The following PAK2 variants were observed in gnomAD, a reference collection of about 807,000 sequenced individuals.
PAK2 encodes serine/threonine-protein kinase PAK 2.
Under a neutral mutation model 65.9 loss-of-function variants are expected in PAK2, and 21 were observed. The observed-to-expected ratio is 0.32, with a 90% CI of 0.23 to 0.46. PAK2 has a LOEUF of 0.46. Ranked by LOEUF, PAK2 falls within the 20% of genes least tolerant of loss-of-function variation. The probability of loss-of-function intolerance (pLI) is 1.00; values close to 1 mark genes in which losing one functional copy is unlikely to be tolerated. For missense variants in PAK2, 324 were observed against 642.6 expected (o/e 0.50, Z 5.36); for synonymous variants, 204 against 219.7 (o/e 0.93, Z 0.63).
Position 196,831,676 on chromosome 3 carries a change from C to T in PAK2, c.*3271C>T, listed in dbSNP as rs188333623. ...ATGTTTGTATATACTGTATTCTAGC[C>T]AGAATAATTTTAGATCTGATCAGGT... On this transcript the variant is annotated 3_prime_UTR_variant, in exon 15 of 15. Transcript: ENST00000327134. The T allele has an allele frequency of 2.6e-5, 4 of 151,940 alleles. No individual in the cohort carries two copies. Among genetic ancestry groups the T allele is most frequent in the Non-Finnish European group, 5.9e-5 (4 of 68,004 alleles). The allele number at this position is 151,940 out of a possible 1,614,324, so 9.4% of individuals were successfully genotyped here. A position where few individuals can be genotyped will look rare whatever the true frequency, so the allele number is the denominator to read the frequency against.
At chr3:196,777,857 C>A (rs1410328534) in intron 1 of PAK2, among the ~76,000 whole-genome samples, 1 of 152,154 alleles carries the variant, frequency 6.6e-6, no homozygotes, top group Non-Finnish European at 1.5e-5. Flanking sequence ...TTTGTTAGCT[C>A]ATTTAATCTT....
At chr3:196,803,215 T>A in intron 4 of PAK2, 51 bp downstream of exon 4, 1 of 1,417,738 alleles carries the variant, frequency 7.1e-7, no homozygotes. Context: ...GAAGCACTTC[T>A]AGATAAAAAG....
intron 1 of PAK2, among the ~76,000 whole-genome samples, chr3:196,760,721 G>A (rs1308019717): frequency 6.6e-6 from 1 of 152,200 alleles, no homozygotes; most frequent in Non-Finnish European, 1.5e-5. Context: ...CTTTGCTGGT[G>A]AAGATTCTGA....
At chr3:196,759,498 GTTTTTTTTTTTTTT>G (rs71301221) in intron 1 of PAK2, among the ~76,000 whole-genome samples, 19 of 108,158 alleles carry the variant, frequency 1.8e-4, no homozygotes, top group South Asian at 6.0e-4. Flanking sequence ...GGTTTTTTTT[GTTTTTTTTTTTTTT>G]TTTTTTTTTT....
chr3:196,782,585 A>AT, intron 1 of PAK2, 41 bp from the exon 2 acceptor site: 2 of 982,652 alleles, frequency 2.0e-6, no homozygotes, highest in Non-Finnish European at 3.1e-6. Flanking sequence ...TGTTCGTGCT[A>AT]TTTTTTACTT....
At chr3:196,804,066 T>C (rs1430356951) in intron 4 of PAK2, among the ~76,000 whole-genome samples, 1 of 152,178 alleles carries the variant, frequency 6.6e-6, no homozygotes, top group Non-Finnish European at 1.5e-5. Context: ...CCTGTTTCCC[T>C]CAGTTTAGAT....
intron 1 of PAK2, among the ~76,000 whole-genome samples, chr3:196,758,495 T>C (rs890605014): frequency 6.6e-6 from 1 of 152,076 alleles, no homozygotes; most frequent in African/African-American, 2.4e-5. Context: ...ACAGTAAGAA[T>C]AGAAAAAACT....
intron 1 of PAK2, among the ~76,000 whole-genome samples, chr3:196,776,298 C>G (rs1182733780): frequency 2.6e-5 from 4 of 152,116 alleles, no homozygotes; most frequent in Non-Finnish European, 5.9e-5. Flanking sequence ...ATCAAGTATT[C>G]TATATAGCAA....
In PAK2 at chr3:196,784,496, G is replaced by C. The variant is rs1232925472; in HGVS notation, c.187+1663G>C. On this transcript the variant is annotated intron_variant, in intron 2 of 14. Transcript: ENST00000327134. The stretch of plus-strand genomic sequence containing the variant: ...GCAGTGTTTGGTTTTTTGTTCTTGC[G>C]ATAGTTTACTGAGAATGATGATTTC... 2.5e-3 allele frequency among the ~76,000 whole-genome samples: 275 copies of C among 110,720 alleles called. 1 individual carries two copies. Among genetic ancestry groups the C allele is most frequent in the African/African-American group, 9.2e-3 (262 of 28,326 alleles). The allele number at this position is 110,720 out of a possible 152,430, so 72.6% of individuals were successfully genotyped here. A position where few individuals can be genotyped will look rare whatever the true frequency, so the allele number is the denominator to read the frequency against.
chr3:196,814,491 C>T lies in PAK2; in HGVS notation c.976C>T (p.Leu326Phe). The stretch of plus-strand genomic sequence containing the variant: ...TGAATTGTTTGTGGTCATGGAATAC[C>T]TTGCTGGGGGGTCACTCACTGATGT... ...GDELFVVMEYLAGGSLTDVVT... is the reference protein window; with the variant it reads ...GDELFVVMEYFAGGSLTDVVT... Residue 326 changes from leucine (L) to phenylalanine (F), a missense_variant, in exon 11 of 15, where the codon CTT (leucine) becomes TTT (phenylalanine). Leu to Phe is a conservative substitution (Grantham distance 22). This residue lies in a region of PAK2 where 183 missense variants were observed against 246.2 expected (regional missense o/e 0.74). Transcript: ENST00000327134. 1 of 1,537,278 alleles carries T rather than the reference C, an allele frequency of 6.5e-7. No individual in the cohort carries two copies. The highest frequency in any genetic ancestry group is 9.0e-7 in the Non-Finnish European group (1 of 1,117,226).
At position 196,821,683 on chromosome 3, in the gene PAK2, C is replaced by CATAA. The variant is rs541293541; in HGVS notation, c.1350+1131_1350+1134dup. 2.0e-4 allele frequency among the ~76,000 whole-genome samples: 31 copies of CATAA among 152,112 alleles called. 1 individual carries two copies. In the Middle Eastern group the frequency reaches 0.017, roughly 83 times the overall value. ...GGTCGACAAAGCGAAACTCCGTCTC[C>CATAA]ATAAATAAATAAATAAATGTTGGTG... On this transcript the variant is annotated intron_variant, in intron 13 of 14. Transcript: ENST00000327134.
At chr3:196,796,166 A>G (rs140824869) in intron 2 of PAK2, among the ~76,000 whole-genome samples, 183 of 152,296 alleles carry the variant, frequency 1.2e-3, no homozygotes, top group African/African-American at 4.3e-3. Flanking sequence ...GGACTCTGGT[A>G]CCAGTTTGTG....
chr3:196,752,115 T>C (rs1237334175), intron 1 of PAK2, among the ~76,000 whole-genome samples: 3 of 152,154 alleles, frequency 2.0e-5, no homozygotes, highest in Admixed American at 2.0e-4. Context: ...AATATTCCAG[T>C]ATTAGAACTC....
chr3:196,763,693 T>C (rs1360890411), intron 1 of PAK2, among the ~76,000 whole-genome samples: 2 of 152,302 alleles, frequency 1.3e-5, no homozygotes, highest in Non-Finnish European at 2.9e-5. Flanking sequence ...CAAAATAGTA[T>C]CTGCATTTTA....
chr3:196,759,489 GTTTTTTTTGTTTTTTTT>G (rs1713878319), intron 1 of PAK2, among the ~76,000 whole-genome samples: 3 of 98,854 alleles, frequency 3.0e-5, no homozygotes, highest in African/African-American at 4.3e-5. Flanking sequence ...CAGTTAAGTG[GTTTTTTTTGTTTTTTTT>G]TTTTTTTTTT....
At chr3:196,825,254 A>AGG (rs1711810363) in intron 13 of PAK2, among the ~76,000 whole-genome samples, 4 of 151,924 alleles carry the variant, frequency 2.6e-5, no homozygotes, top group East Asian at 3.9e-4. Flanking sequence ...GCTGAGCTGC[A>AGG]AGAATTGCTG....
chr3:196,783,482 T>C (rs1714778030), intron 2 of PAK2, among the ~76,000 whole-genome samples: 3 of 150,586 alleles, frequency 2.0e-5, no homozygotes, highest in Admixed American at 1.3e-4. Context: ...CTTGGGAGGC[T>C]GAGGCAGGAG....
chr3:196,800,185 A>G (rs1265424227), intron 2 of PAK2, among the ~76,000 whole-genome samples: 1 of 152,172 alleles, frequency 6.6e-6, no homozygotes, highest in Non-Finnish European at 1.5e-5. Context: ...GTTTGAGACC[A>G]GCCTGGCCAA....
chr3:196,788,816 G>A lies in PAK2; in HGVS notation c.187+5983G>A, dbSNP rs1288462998. ...TGGCCCACCTACAGGAGGGATCAGA[G>A]CACATCCATGGAGCTGAGTGCCGCC... On this transcript the variant is annotated intron_variant, in intron 2 of 14. Transcript: ENST00000327134. Among the ~76,000 whole-genome samples, 5 of 152,334 alleles carry A rather than the reference G, an allele frequency of 3.3e-5. No homozygotes were observed. In the East Asian group the frequency reaches 9.6e-4, roughly 29 times the overall value.
Sources: allele counts gnomAD v4.1 joint callset (sites outside exome capture counted in the v4.1 genomes callset), GRCh38; gene constraint gnomAD v4.1.1; regional missense constraint gnomAD v4.1.1; transcripts MANE v1.5; gene names NCBI Gene and HGNC (gene_info 2026-07-23, HGNC 2026-07-21).